The following CD5 variants were observed in gnomAD, a reference collection of about 807,000 sequenced individuals.
The protein encoded by CD5 is CD5 molecule, also known as T-cell surface glycoprotein CD5.
CD5 carries 36 observed loss-of-function variants against 60.3 expected under a neutral mutation model. That is an observed-to-expected ratio of 0.60 (90% confidence interval 0.46 to 0.79). The LOEUF is 0.79. Ranked by LOEUF, CD5 falls within the 30% of genes least tolerant of loss-of-function variation. CD5 has a pLI of 0.00. For missense variants in CD5, 540 were observed against 630.6 expected (o/e 0.86, Z 1.54); for synonymous variants, 230 against 257.6 (o/e 0.89, Z 1.03).
intron 1 of CD5, among the ~76,000 whole-genome samples, chr11:61,104,464 G>A (rs939985214): frequency 6.6e-6 from 1 of 152,160 alleles, no homozygotes; most frequent in Non-Finnish European, 1.5e-5. Context: ...GCTCCCAGCT[G>A]AGTATGGGAA....
Position 61,124,923 on chromosome 11 carries a change from C to A in CD5, c.1280-109C>A. 4 of 1,373,746 alleles carry A rather than the reference C, an allele frequency of 2.9e-6. No individual in the cohort carries two copies. In the Admixed American group the frequency reaches 5.8e-5, roughly 20 times the overall value. The allele number at this position is 1,373,746 out of a possible 1,614,324, so 85.1% of individuals were successfully genotyped here. A position where few individuals can be genotyped will look rare whatever the true frequency, so the allele number is the denominator to read the frequency against. On this transcript the variant is annotated intron_variant, in intron 8 of 10. Transcript: ENST00000347785. ...AAGGGGCTGTGGGTGCCTTTGTCCTCTCCCCGCTAACATCATGGGAATAGG... is the reference window on the plus strand; with the variant it reads ...AAGGGGCTGTGGGTGCCTTTGTCCTATCCCCGCTAACATCATGGGAATAGG...
chr11:61,120,872 T>C (rs1318396928), intron 5 of CD5, among the ~76,000 whole-genome samples: 2 of 152,202 alleles, frequency 1.3e-5, no homozygotes, highest in South Asian at 4.1e-4. Context: ...TGTAAAACCA[T>C]ACCCAGGGTT....
chr11:61,101,695 ACAT>A (rs1343367261), upstream of CD5, among the ~76,000 whole-genome samples: 9 of 151,648 alleles, frequency 5.9e-5, no homozygotes, highest in African/African-American at 1.7e-4. Context: ...ACAATCACAC[ACAT>A]CAACATGGAG....
At chr11:61,117,784 C>A (rs1860986934) in intron 2 of CD5, among the ~76,000 whole-genome samples, 1 of 152,198 alleles carries the variant, frequency 6.6e-6, no homozygotes. Context: ...CAGGCATGAG[C>A]CACCACACCT....
chr11:61,121,740 GGGA>G lies in CD5; in HGVS notation c.941_943del (p.Glu314del). The G allele has an allele frequency of 2.5e-6, 4 of 1,611,508 alleles. No individual in the cohort carries two copies. Among genetic ancestry groups the G allele is most frequent in the Non-Finnish European group, 2.5e-6 (3 of 1,178,234 alleles). On this transcript the variant is annotated inframe_deletion, in exon 6 of 11. Coordinates refer to ENST00000347785, the MANE Select transcript of CD5 (RefSeq NM_014207.4). ...TCTTCAGCCAGGAGCTCGCTGCGGT[GGGA>G]GGAGGTGTGCCGGGAGCAGCAGTGT... is the stretch of plus-strand genomic sequence containing the variant.
intron 1 of CD5, among the ~76,000 whole-genome samples, chr11:61,111,653 C>A (rs767314983): frequency 2.0e-5 from 3 of 152,210 alleles, no homozygotes; most frequent in Non-Finnish European, 4.4e-5. Context: ...GTAAGTTGAA[C>A]CACCCTAAGT....
intron 1 of CD5, among the ~76,000 whole-genome samples, chr11:61,113,949 C>G (rs1860897229): frequency 6.6e-6 from 1 of 152,256 alleles, no homozygotes; most frequent in Admixed American, 6.5e-5. Context: ...GGATTATAGG[C>G]ATGGGCCACC....
chr11:61,098,447 A>G (rs1164676474), upstream of CD5, among the ~76,000 whole-genome samples: 2 of 147,472 alleles, frequency 1.4e-5, no homozygotes, highest in Admixed American at 1.3e-4. Context: ...CCTCCAAAGA[A>G]AGAAGAAGTA....
chr11:61,110,770 T>C (rs1044074335), intron 1 of CD5, among the ~76,000 whole-genome samples: 2 of 152,182 alleles, frequency 1.3e-5, no homozygotes, highest in African/African-American at 2.4e-5. Context: ...ACCAAAATAA[T>C]AGCACCTACT....
chr11:61,099,879 T>TACACACACATCAACATGGAGATC (rs1190456312), upstream of CD5, among the ~76,000 whole-genome samples: 1 of 134,106 alleles, frequency 7.5e-6, no homozygotes. Context: ...ATGGAGATCA[T>TACACACACATCAACATGGAGATC]ACACACACAT....
At position 61,119,490 on chromosome 11, in the gene CD5, G is replaced by C; in HGVS notation, c.720G>C (p.Gln240His). ...HQPLPIQWKI[Q>H]NSSCTSLEHC... ...CCTTGCCAATCCAATGGAAGATCCA[G>C]AACTCAAGCTGTACCTCCCTGGAGC... Residue 240 changes from glutamine (Q) to histidine (H), a missense_variant, in exon 5 of 11, where the codon CAG (glutamine) becomes CAC (histidine). Transcript: ENST00000347785. 1 of 1,614,146 alleles carries C rather than the reference G, an allele frequency of 6.2e-7. No homozygotes were observed. The highest frequency in any genetic ancestry group is 8.5e-7 in the Non-Finnish European group (1 of 1,180,026).
upstream of CD5, among the ~76,000 whole-genome samples, chr11:61,098,547 C>G (rs1232226128): frequency 6.6e-6 from 1 of 152,212 alleles, no homozygotes; most frequent in African/African-American, 2.4e-5. Context: ...GTTATGTTAT[C>G]TATAGATTAC....
At chr11:61,104,178 G>T (rs1434984328) in intron 1 of CD5, among the ~76,000 whole-genome samples, 1 of 152,128 alleles carries the variant, frequency 6.6e-6, no homozygotes, top group Non-Finnish European at 1.5e-5. Flanking sequence ...GTGCGCATGT[G>T]TGTGAGAACT....
rs1483587722 is a variant in CD5 at position 61,127,156 on chromosome 11, T to C, written c.*871T>C. 4 of 152,288 alleles carry C rather than the reference T, an allele frequency of 2.6e-5. No individual in the cohort carries two copies. Among genetic ancestry groups the C allele is most frequent in the Non-Finnish European group, 4.4e-5 (3 of 68,068 alleles). The allele number at this position is 152,288 out of a possible 1,614,324, so 9.4% of individuals were successfully genotyped here. A position where few individuals can be genotyped will look rare whatever the true frequency, so the allele number is the denominator to read the frequency against. On this transcript the variant is annotated 3_prime_UTR_variant, in exon 11 of 11. Coordinates refer to ENST00000347785, the MANE Select transcript of CD5 (RefSeq NM_014207.4). ...CAAGAGTCAGAGATGGGGCTGGTCATGTTCCTTTGGTTTGAATAACTCCCT... is the reference window on the plus strand; with the variant it reads ...CAAGAGTCAGAGATGGGGCTGGTCACGTTCCTTTGGTTTGAATAACTCCCT...
chr11:61,122,224 G>A (rs1389011724), intron 6 of CD5, among the ~76,000 whole-genome samples: 2 of 150,334 alleles, frequency 1.3e-5, no homozygotes, highest in East Asian at 3.9e-4. Context: ...GCACATATTT[G>A]CTACATGAAT....
At chr11:61,120,685 C>G (rs995422041) in intron 5 of CD5, among the ~76,000 whole-genome samples, 1 of 152,158 alleles carries the variant, frequency 6.6e-6, no homozygotes, top group Admixed American at 6.5e-5. Flanking sequence ...GGAATCACTG[C>G]TCGGGGCCAC....
chr11:61,125,894 G>T, intron 10 of CD5, 53 bp downstream of exon 10: 1 of 1,305,232 alleles, frequency 7.7e-7, no homozygotes. Flanking sequence ...CACAGTCCTG[G>T]GGGTGAGCAG....
chr11:61,101,153 TCAA>T (rs1272994046), upstream of CD5, among the ~76,000 whole-genome samples: 1 of 74,656 alleles, frequency 1.3e-5, no homozygotes, highest in Non-Finnish European at 2.4e-5. Context: ...TACACACACA[TCAA>T]CATGGAGATC....
intron 7 of CD5, 58 bp from the exon 8 acceptor site, chr11:61,123,826 T>TCCCCCCCCC: frequency 1.8e-5 from 5 of 276,700 alleles, no homozygotes; most frequent in Admixed American, 7.4e-5. Flanking sequence ...CACCCCTGCC[T>TCCCCCCCCC]GCCCCCACCC....
Sources: allele counts gnomAD v4.1 joint callset (sites outside exome capture counted in the v4.1 genomes callset), GRCh38; gene constraint gnomAD v4.1.1; transcripts MANE v1.5; gene names NCBI Gene and HGNC (gene_info 2026-07-23, HGNC 2026-07-21).